TAOK2: variants seen among roughly 807,000 people sequenced by gnomAD.
TAOK2 encodes TAO kinase 2, also known as serine/threonine-protein kinase TAO2.
Under a neutral mutation model 122.5 loss-of-function variants are expected in TAOK2, and 42 were observed. That is an observed-to-expected ratio of 0.34 (90% CI 0.27 to 0.44). The LOEUF is 0.44. Ranked by LOEUF, TAOK2 falls within the 20% of genes least tolerant of loss-of-function variation. The pLI, the probability that TAOK2 is intolerant of heterozygous loss-of-function variation, is 1.00. For missense variants in TAOK2, 1,264 were observed against 1,644.9 expected, an observed-to-expected ratio of 0.77 and a Z score of 4.01; for synonymous variants, 704 against 677.6, an observed-to-expected ratio of 1.04 and a Z score of -0.61.
intron 10 of TAOK2, 88 bp downstream of exon 10, chr16:29,982,028 C>A: frequency 9.0e-7 from 1 of 1,115,596 alleles, no homozygotes; most frequent in Non-Finnish European, 1.3e-6. Context: ...TTCCCAGTTC[C>A]TCCTCCACCA....
Position 29,985,268 on chromosome 16 carries a change from G to A in TAOK2, c.1478G>A (p.Ser493Asn). The A allele has an allele frequency of 6.4e-7, 1 of 1,570,306 alleles. No homozygotes were observed. The highest frequency in any genetic ancestry group is 8.6e-7 in the Non-Finnish European group (1 of 1,156,760). Residue 493 changes from serine (S) to asparagine (N), a missense_variant, in exon 14 of 16, where the codon AGC becomes AAC. Around this residue, in one of 4 missense-constraint regions of TAOK2, gnomAD observed 64 missense variants for 115.7 expected, o/e 0.55. Coordinates refer to ENST00000308893, the MANE Select transcript of TAOK2 (RefSeq NM_016151.4). This position sits in a 1 kb window ranked among gnomAD's most constrained non-coding sequence, Gnocchi z 6.9. ...GACTCTGCGCTGCGGGAGCAGCTGA[G>A]CGGCTATAAGCGGATGCGACGACAG... ...EQDSALREQL[S>N]GYKRMRRQHQ... is the part of the protein sequence containing the mutation.
At position 29,977,998 on chromosome 16, in the gene TAOK2, G is replaced by C. The variant is rs1055965635; in HGVS notation, c.133-91G>C. The C allele has an allele frequency of 3.1e-6, 5 of 1,611,582 alleles. No individual in the cohort carries two copies. In the South Asian group the frequency reaches 5.5e-5, roughly 18 times the overall value. ...CCCTTGCACACTACTCCATCACACT[G>C]GTCTTTCCTGCCTTCTCTTGCTGGG... On this transcript the variant is annotated intron_variant, in intron 2 of 15. Transcript: ENST00000308893.
At chr16:29,981,998 AC>A (rs1319856312) in intron 10 of TAOK2, 58 bp downstream of exon 10, 2 of 1,442,704 alleles carry the variant, frequency 1.4e-6, no homozygotes, top group African/African-American at 1.4e-5. Flanking sequence ...AGCCACAAGA[AC>A]CCCCAGGGAA....
At position 29,985,419 on chromosome 16, in the gene TAOK2, C is replaced by T. The variant is rs1252002723; in HGVS notation, c.1629C>T (p.Ala543=). 6.2e-7 allele frequency: 1 copy of T among 1,608,658 alleles called. No homozygotes were observed. The highest frequency in any genetic ancestry group is 8.5e-7 in the Non-Finnish European group (1 of 1,177,610). The change falls in exon 14 of 16, where the codon GCC becomes GCT. Residue 543 remains alanine, a synonymous_variant. Transcript: ENST00000308893. The surrounding 1 kb of genome is among the most constrained non-coding windows in gnomAD (Gnocchi z 6.9). ...AGFGAEAEKL[A]RRHQAIGEKE... ...TTGGGGCAGAGGCAGAAAAGCTGGCCCGGCGGCACCAGGCCATAGGTGAGA... is the reference window on the plus strand; with the variant it reads ...TTGGGGCAGAGGCAGAAAAGCTGGCTCGGCGGCACCAGGCCATAGGTGAGA...
rs1272160282 is a variant in TAOK2, at chr16:29,981,948, C to T, written c.831+8C>T. The T allele has an allele frequency of 1.2e-6, 2 of 1,609,076 alleles. No homozygotes were observed. The highest frequency in any genetic ancestry group is 3.3e-5 in the Admixed American group (2 of 59,734). On this transcript the variant is annotated splice_region_variant and intron_variant, in intron 10 of 15. Transcript: ENST00000308893. ...TCAGAGGTTCTCCTGAAGGTGAGGG[C>T]CTGCTGGCCTAGCATTCTCCTGGAA... is the stretch of plus-strand genomic sequence containing the variant.
At chr16:29,982,675 G>A in intron 10 of TAOK2, 59 bp from the exon 11 acceptor site, 1 of 1,577,234 alleles carries the variant, frequency 6.3e-7, no homozygotes, top group South Asian at 1.2e-5. Flanking sequence ...AATGCCAAGG[G>A]CTGTGGGTTG....
At chr16:29,975,936 C>G (rs1324263308) in intron 1 of TAOK2, among the ~76,000 whole-genome samples, 1 of 152,200 alleles carries the variant, frequency 6.6e-6, no homozygotes, top group Non-Finnish European at 1.5e-5. Flanking sequence ...CTGTACATTG[C>G]AGACGGGATG....
Position 29,985,874 on chromosome 16 carries a change from A to T in TAOK2, c.1992+13A>T. On this transcript the variant is annotated intron_variant, in intron 15 of 15. Coordinates refer to ENST00000308893, the MANE Select transcript of TAOK2 (RefSeq NM_016151.4). This position sits in a 1 kb window ranked among gnomAD's most constrained non-coding sequence, Gnocchi z 6.9. Reference sequence around the variant, plus strand: ...CCTGCTGCGGGAGGTAGGCATCCCAATCTCTGTTCCCCTCCCGCTCACTCG... The same window carrying T: ...CCTGCTGCGGGAGGTAGGCATCCCATTCTCTGTTCCCCTCCCGCTCACTCG... 1 of 1,610,164 alleles carries T rather than the reference A, an allele frequency of 6.2e-7. No homozygotes were observed. Among genetic ancestry groups the T allele is most frequent in the East Asian group, 2.2e-5 (1 of 44,828 alleles).
downstream of TAOK2, chr16:29,991,424 C>A: frequency 6.5e-7 from 1 of 1,530,240 alleles, no homozygotes; most frequent in Non-Finnish European, 8.8e-7. The surrounding 1 kb of genome is among the most constrained non-coding windows in gnomAD (Gnocchi z 5.6). Context: ...TAAGAAACAG[C>A]CCCCAGCCCC....
downstream of TAOK2, chr16:29,990,733 T>G: frequency 6.5e-7 from 1 of 1,540,676 alleles, no homozygotes; most frequent in Non-Finnish European, 8.8e-7. Flanking sequence ...CAGGGGAGGA[T>G]AGTGGGGGTG....
Position 29,985,943 on chromosome 16 carries a change from CTTCT to C in TAOK2, c.1992+87_1992+90del. On this transcript the variant is annotated intron_variant, in intron 15 of 15. Transcript: ENST00000308893. This position sits in a 1 kb window ranked among gnomAD's most constrained non-coding sequence, Gnocchi z 6.9. Reference sequence around the variant, plus strand: ...CCTTTTCCATTTTCCTCATTCTTGTCTTCTTTCTCCTTGGCCCTCGAGTGTTACA... The same window carrying C: ...CCTTTTCCATTTTCCTCATTCTTGTCTTCTCCTTGGCCCTCGAGTGTTACA... 13 of 1,477,898 alleles carry C rather than the reference CTTCT, an allele frequency of 8.8e-6. No individual in the cohort carries two copies. Among genetic ancestry groups the C allele is most frequent in the Non-Finnish European group, 1.2e-5 (13 of 1,085,652 alleles). The allele number at this position is 1,477,898 out of a possible 1,614,324, so 91.5% of individuals were successfully genotyped here.
Position 29,985,348 on chromosome 16 carries a change from C to A in TAOK2, c.1558C>A (p.His520Asn), listed in dbSNP as rs2069750668. 6.2e-7 allele frequency: 1 copy of A among 1,611,460 alleles called. No individual in the cohort carries two copies. Among genetic ancestry groups the A allele is most frequent in the African/African-American group, 1.3e-5 (1 of 74,874 alleles). The change falls in exon 14 of 16, where the codon CAC becomes AAC. Residue 520 changes from histidine (H) to asparagine (N), a missense_variant. His to Asn is a moderately conservative substitution (Grantham distance 68). Coordinates refer to ENST00000308893, the MANE Select transcript of TAOK2 (RefSeq NM_016151.4). The surrounding 1 kb of genome is among the most constrained non-coding windows in gnomAD (Gnocchi z 6.9). ...ESRLRGEREE[H>N]SARLQRELEA... ...ACGGCTGAGGGGTGAACGGGAGGAG[C>A]ACAGTGCACGGCTGCAGCGGGAGCT...
In TAOK2 at chr16:29,979,495, C is replaced by G. The variant is rs1351375014; in HGVS notation, c.642C>G (p.Thr214=). The change falls in exon 8 of 16, where the codon ACC becomes ACG. Residue 214 remains threonine (T), a synonymous_variant. Transcript: ENST00000308893. The surrounding 1 kb of genome is among the most constrained non-coding windows in gnomAD (Gnocchi z 4.1). ...TGGACGTCTGGTCCTTGGGGATAAC[C>G]TGCATCGAGCTGGGTAAGAACATCC... ...GKVDVWSLGI[T]CIELAERKPP... The G allele has an allele frequency of 6.5e-7, 1 of 1,542,220 alleles. No individual in the cohort carries two copies. Among genetic ancestry groups the G allele is most frequent in the African/African-American group, 1.4e-5 (1 of 72,592 alleles).
At position 29,983,497 on chromosome 16, in the gene TAOK2, C is replaced by T. The variant is rs200146768; in HGVS notation, c.1261-6C>T. The T allele has an allele frequency of 4.1e-5, 66 of 1,605,872 alleles. No homozygotes were observed. Among genetic ancestry groups the T allele is most frequent in the African/African-American group, 1.7e-4 (13 of 74,720 alleles). ...AGCCTTGGGTGTTCCTTCTATCTCC[C>T]TCTAGGGCTCTGACAACCTATATGA... is the stretch of plus-strand genomic sequence containing the variant. On this transcript the variant is annotated splice_polypyrimidine_tract_variant and splice_region_variant and intron_variant, in intron 12 of 15. Transcript: ENST00000308893.
chr16:29,981,578 G>A, intron 8 of TAOK2, 83 bp from the exon 9 acceptor site: 1 of 1,320,344 alleles, frequency 7.6e-7, no homozygotes, highest in South Asian at 1.2e-5. Flanking sequence ...ATTGGGGTTT[G>A]AACCCAAGTC....
intron 8 of TAOK2, chr16:29,981,422 C>G: frequency 1.6e-6 from 1 of 609,674 alleles, no homozygotes; most frequent in Non-Finnish European, 3.0e-6. Flanking sequence ...TTCGTTACTG[C>G]TTTTGTGGAT....
rs191730023 is a variant in TAOK2, at chr16:29,982,364, C to T, written c.832-370C>T. Among the ~76,000 whole-genome samples the T allele has an allele frequency of 6.6e-5, 10 of 152,254 alleles. No individual in the cohort carries two copies. The East Asian group carries it at 7.7e-4, about 12-fold the overall frequency. On this transcript the variant is annotated intron_variant, in intron 10 of 15. Coordinates refer to ENST00000308893, the MANE Select transcript of TAOK2 (RefSeq NM_016151.4). ...ACAGACCCATGGGGGCCTGAGGAGC[C>T]GTAGTTGGAAACTTCAGATTATGTA...
In TAOK2 at chr16:29,986,203, C is replaced by T; in HGVS notation, c.1993-62C>T. On this transcript the variant is annotated intron_variant, in intron 15 of 15. Transcript: ENST00000308893. The surrounding 1 kb of genome is among the most constrained non-coding windows in gnomAD (Gnocchi z 4.2). ...ATCCCCAGCTCCCTCTGCCAAGGAG[C>T]CCTGGCCTCTCACTTCCTTGATACT... The T allele has an allele frequency of 1.3e-6, 2 of 1,503,918 alleles. No individual in the cohort carries two copies. Among genetic ancestry groups the T allele is most frequent in the Non-Finnish European group, 1.8e-6 (2 of 1,128,350 alleles). The allele number at this position is 1,503,918 out of a possible 1,614,324, so 93.2% of individuals were successfully genotyped here.
chr16:29,991,649 C>T (rs1179379295), downstream of TAOK2: 4 of 1,393,496 alleles, frequency 2.9e-6, no homozygotes, highest in Non-Finnish European at 3.7e-6. This position sits in a 1 kb window ranked among gnomAD's most constrained non-coding sequence, Gnocchi z 5.6. Context: ...AGCTGGAGGC[C>T]CCTGCAAGGG....
Sources: gnomAD v4.1 joint callset for allele counts (sites outside exome capture counted in the v4.1 genomes callset) on GRCh38, gnomAD v4.1.1 for gene constraint, gnomAD v4.1.1 regional missense constraint, Gnocchi (gnomAD v3.1) non-coding constraint, MANE v1.5 for transcripts, NCBI Gene and HGNC (gene_info 2026-07-23, HGNC 2026-07-21) for gene names.